CFAP58: variants seen among roughly 807,000 people sequenced by gnomAD.
The protein encoded by CFAP58 is cilia and flagella associated protein 58, also known as cilia- and flagella-associated protein 58.
In CFAP58, 88 loss-of-function variants were observed where a neutral mutation model predicts 119.5. The ratio of observed to expected loss-of-function variants is 0.74; its 90% confidence interval spans 0.62 to 0.88. The LOEUF is 0.88. Among genes scored for constraint, CFAP58 ranks in the 40% least tolerant of loss-of-function variants. The probability of loss-of-function intolerance (pLI) is 0.00; values close to 1 mark genes in which losing one functional copy is unlikely to be tolerated. For missense variants in CFAP58, 990 were observed against 1,021.2 expected (o/e 0.97, Z 0.42); for synonymous variants, 365 against 366.3 (o/e 1.00, Z 0.04).
At chr10:104,397,230 A>G (rs888660379) in intron 11 of CFAP58, among the ~76,000 whole-genome samples, 2 of 152,206 alleles carry the variant, frequency 1.3e-5, no homozygotes, top group Admixed American at 6.5e-5. Flanking sequence ...TTAAATGATT[A>G]TAGAAACAGA....
chr10:104,442,710 TA>T (rs1209517710), intron 15 of CFAP58, among the ~76,000 whole-genome samples: 2 of 152,162 alleles, frequency 1.3e-5, no homozygotes, highest in African/African-American at 4.8e-5. Context: ...TCTTATGAAT[TA>T]AAAAAATGTT....
In CFAP58 at chr10:104,454,859, A is replaced by C. The variant is rs2013255529; in HGVS notation, c.*329A>C. 1 of 192,588 alleles carries C rather than the reference A, an allele frequency of 5.2e-6. No individual in the cohort carries two copies. Among genetic ancestry groups the C allele is most frequent in the Non-Finnish European group, 1.0e-5 (1 of 95,330 alleles). 11.9% of individuals were successfully genotyped at this position (192,588 alleles called of 1,614,324 possible). On this transcript the variant is annotated 3_prime_UTR_variant, in exon 18 of 18. Transcript: ENST00000369704. ...TGTACTTGAAGGTTTTATATTTAAA[A>C]GTATTTTTGAAATGCAATGTGTCCC...
intron 15 of CFAP58, among the ~76,000 whole-genome samples, chr10:104,411,840 T>C (rs1024331636): frequency 2.0e-5 from 3 of 152,026 alleles, no homozygotes; most frequent in Admixed American, 2.0e-4. Context: ...TGGGTAGATT[T>C]CTATTGTATC....
chr10:104,446,401 A>G (rs562020280), intron 15 of CFAP58, among the ~76,000 whole-genome samples: 13 of 152,336 alleles, frequency 8.5e-5, no homozygotes, highest in Middle Eastern at 3.4e-3. Context: ...TTCTATAAAT[A>G]GAGCTATGTT....
At chr10:104,454,071 A>C (rs1313535589) in intron 17 of CFAP58, among the ~76,000 whole-genome samples, 3 of 152,184 alleles carry the variant, frequency 2.0e-5, no homozygotes, top group Admixed American at 2.0e-4. Context: ...ATTATAATTG[A>C]GCCAAGAAAA....
intron 14 of CFAP58, 142 bp from the exon 15 acceptor site, chr10:104,406,547 T>A: frequency 1.6e-6 from 1 of 615,194 alleles, no homozygotes; most frequent in Non-Finnish European, 2.8e-6. Flanking sequence ...TCTATTATAC[T>A]TTATTTTTGG....
upstream of CFAP58, among the ~76,000 whole-genome samples, chr10:104,349,179 C>T (rs551772766): frequency 1.3e-5 from 2 of 152,220 alleles, no homozygotes; most frequent in East Asian, 3.9e-4. Context: ...ACCTGGGAGG[C>T]GGAGGTTGCA....
intron 6 of CFAP58, among the ~76,000 whole-genome samples, chr10:104,370,147 A>G (rs1217098133): frequency 6.6e-6 from 1 of 152,198 alleles, no homozygotes; most frequent in East Asian, 1.9e-4. Flanking sequence ...TATATATGTT[A>G]ATAACCATCT....
At chr10:104,454,096 G>A (rs1169071594) in intron 17 of CFAP58, among the ~76,000 whole-genome samples, 2 of 152,142 alleles carry the variant, frequency 1.3e-5, no homozygotes, top group Non-Finnish European at 2.9e-5. Context: ...TCTTCTGACT[G>A]ATCTTTGGAG....
At chr10:104,379,218 T>G (rs2011732239) in intron 8 of CFAP58, among the ~76,000 whole-genome samples, 1 of 152,142 alleles carries the variant, frequency 6.6e-6, no homozygotes, top group South Asian at 2.1e-4. Flanking sequence ...CTTTCAGTTT[T>G]TATGGATCTG....
chr10:104,454,362 A>C (rs1381704869), intron 17 of CFAP58, 60 bp from the exon 18 acceptor site: 1 of 1,328,082 alleles, frequency 7.5e-7, no homozygotes. Flanking sequence ...AGGATTATCA[A>C]ATGTCAAACT....
intron 7 of CFAP58, among the ~76,000 whole-genome samples, chr10:104,376,021 T>A (rs1367803630): frequency 6.6e-6 from 1 of 151,920 alleles, no homozygotes; most frequent in East Asian, 1.9e-4. Flanking sequence ...TTTTTGATTA[T>A]CTCCTGGATC....
chr10:104,347,713 A>T, the CFAP58 span, among the ~76,000 whole-genome samples: 1 of 152,060 alleles, frequency 6.6e-6, no homozygotes, highest in Non-Finnish European at 1.5e-5. Context: ...ATATACAAAG[A>T]AAACTCACTT....
At chr10:104,350,264 A>T (rs1220599853), upstream of CFAP58, among the ~76,000 whole-genome samples, 1 of 152,220 alleles carries the variant, frequency 6.6e-6, no homozygotes, top group Non-Finnish European at 1.5e-5. Flanking sequence ...GATGAATAGA[A>T]GCACTCATTT....
chr10:104,345,059 A>G, the CFAP58 span, among the ~76,000 whole-genome samples: 1 of 151,930 alleles, frequency 6.6e-6, no homozygotes, highest in East Asian at 1.9e-4. Context: ...AGGCAGGAGA[A>G]TGCCTTGAAC....
chr10:104,362,590 C>T (rs559899814), intron 3 of CFAP58, among the ~76,000 whole-genome samples: 50 of 152,140 alleles, frequency 3.3e-4, no homozygotes, highest in Non-Finnish European at 5.9e-4. Context: ...TCCTCCTGCT[C>T]CCCCATCTCT....
chr10:104,423,036 G>A (rs979594224), intron 15 of CFAP58, among the ~76,000 whole-genome samples: 1 of 152,098 alleles, frequency 6.6e-6, no homozygotes, highest in Non-Finnish European at 1.5e-5. Flanking sequence ...TGTTGGATAT[G>A]GTACTTTAAT....
chr10:104,404,382 T>C (rs745346095), intron 14 of CFAP58, among the ~76,000 whole-genome samples: 11 of 152,232 alleles, frequency 7.2e-5, no homozygotes, highest in Non-Finnish European at 1.6e-4. Context: ...TTTAATTTAA[T>C]TCTATGACTT....
intron 2 of CFAP58, 89 bp from the exon 3 acceptor site, chr10:104,361,934 T>C: frequency 5.6e-6 from 7 of 1,249,904 alleles, no homozygotes; most frequent in Non-Finnish European, 6.8e-6. Context: ...ATAACTACAC[T>C]GTGGTCATGG....
Sources: gnomAD v4.1 joint callset for allele counts (sites outside exome capture counted in the v4.1 genomes callset) on GRCh38, gnomAD v4.1.1 for gene constraint, MANE v1.5 for transcripts, NCBI Gene and HGNC (gene_info 2026-07-23, HGNC 2026-07-21) for gene names.